The following SHISA9 variants were observed in gnomAD, a reference collection of about 807,000 sequenced individuals.
SHISA9 encodes shisa family member 9.
Under a neutral mutation model 38.0 loss-of-function variants are expected in SHISA9, and 13 were observed. The observed-to-expected ratio is 0.34, with a 90% confidence interval of 0.22 to 0.54. SHISA9 has a LOEUF of 0.54. SHISA9 is among the 20% of genes least tolerant of loss of function. The probability of loss-of-function intolerance (pLI) is 0.91; values close to 1 mark genes in which losing one functional copy is unlikely to be tolerated. For missense variants in SHISA9, 538 were observed against 575.8 expected (o/e 0.93, Z 0.67); for synonymous variants, 275 against 242.0 (o/e 1.14, Z -1.27).
the SHISA9 span, among the ~76,000 whole-genome samples, chr16:13,559,777 C>T: frequency 6.6e-6 from 1 of 152,158 alleles, no homozygotes; most frequent in African/African-American, 2.4e-5. Flanking sequence ...GAGCATCTGG[C>T]TCAGGGCTTA....
chr16:13,477,903 T>G, the SHISA9 span, among the ~76,000 whole-genome samples: 4,505 of 152,196 alleles, frequency 0.03, 99 homozygotes, highest in Middle Eastern at 0.11. Flanking sequence ...AGGTGGAGGT[T>G]GCAGTGAGCT....
chr16:13,356,852 C>G, the SHISA9 span, among the ~76,000 whole-genome samples: 1 of 152,056 alleles, frequency 6.6e-6, no homozygotes, highest in African/African-American at 2.4e-5. Context: ...TTAGATTTTG[C>G]AGGATGGAAA....
chr16:13,461,306 G>A, the SHISA9 span, among the ~76,000 whole-genome samples: 51 of 152,248 alleles, frequency 3.3e-4, no homozygotes, highest in Admixed American at 5.2e-4. Context: ...ACAGCCAAGC[G>A]CAGTGGCTAA....
At chr16:13,156,733 CA>C (rs11289895) in intron 2 of SHISA9, among the ~76,000 whole-genome samples, 39,509 of 111,414 alleles carry the variant, frequency 0.35, 6,023 homozygotes, top group African/African-American at 0.51. Context: ...GACTCCGTCT[CA>C]AAAAAAAAAA....
chr16:13,398,759 G>A, the SHISA9 span, among the ~76,000 whole-genome samples: 10 of 151,936 alleles, frequency 6.6e-5, no homozygotes, highest in Non-Finnish European at 1.2e-4. Flanking sequence ...TGATCCACAC[G>A]CCTTTGCCTC....
intron 2 of SHISA9, among the ~76,000 whole-genome samples, chr16:13,183,771 C>A (rs2050796794): frequency 1.3e-5 from 2 of 152,206 alleles, no homozygotes; most frequent in Admixed American, 6.5e-5. Context: ...AGGTCCTGAT[C>A]TAATTGCTCT....
chr16:13,218,039 G>A (rs2051187712), intron 4 of SHISA9, among the ~76,000 whole-genome samples: 2 of 141,820 alleles, frequency 1.4e-5, no homozygotes, highest in Non-Finnish European at 3.1e-5. Context: ...AGGGAGGGAG[G>A]GAGGGAAGGA....
At chr16:13,510,535 C>A in the SHISA9 span, among the ~76,000 whole-genome samples, 1 of 152,154 alleles carries the variant, frequency 6.6e-6, no homozygotes, top group Non-Finnish European at 1.5e-5. Flanking sequence ...AACTGCCAAA[C>A]ATTTTCTTAC....
At chr16:13,287,174 C>G in the SHISA9 span, among the ~76,000 whole-genome samples, 1 of 152,118 alleles carries the variant, frequency 6.6e-6, no homozygotes, top group East Asian at 1.9e-4. Flanking sequence ...TCTACGCTAT[C>G]ACATAAGAAC....
intron 2 of SHISA9, among the ~76,000 whole-genome samples, chr16:13,195,982 G>A (rs551519866): frequency 1.3e-5 from 2 of 151,296 alleles, no homozygotes; most frequent in Non-Finnish European, 2.9e-5. Flanking sequence ...CAGCTACTCG[G>A]GAGGCTGAGG....
chr16:13,533,087 T>G, the SHISA9 span, among the ~76,000 whole-genome samples: 1 of 152,186 alleles, frequency 6.6e-6, no homozygotes, highest in Non-Finnish European at 1.5e-5. Flanking sequence ...AGCTCACCCT[T>G]GTGAGGCCCC....
chr16:13,230,640 G>C (rs927108851), intron 4 of SHISA9, among the ~76,000 whole-genome samples: 5 of 152,116 alleles, frequency 3.3e-5, no homozygotes, highest in African/African-American at 9.7e-5. Flanking sequence ...CCCCAAGAGA[G>C]GTTTCTTGGA....
chr16:13,098,744 C>G (rs529449364), intron 2 of SHISA9, among the ~76,000 whole-genome samples: 5 of 152,306 alleles, frequency 3.3e-5, no homozygotes, highest in African/African-American at 1.2e-4. Context: ...CCTCCAGGAA[C>G]GGAACTCAGA....
the SHISA9 span, among the ~76,000 whole-genome samples, chr16:13,520,979 A>G: frequency 8.5e-5 from 13 of 152,278 alleles, no homozygotes; most frequent in East Asian, 2.5e-3. Flanking sequence ...TTATCATTTC[A>G]TTGTCGTGAG....
chr16:13,328,194 C>G, the SHISA9 span, among the ~76,000 whole-genome samples: 1 of 152,128 alleles, frequency 6.6e-6, no homozygotes, highest in African/African-American at 2.4e-5. Flanking sequence ...CTGTGCACTT[C>G]TACAGAATCT....
chr16:12,951,220 CCAAAAAAAAA>C lies in SHISA9; in HGVS notation c.691+34406_691+34415del, dbSNP rs1445568015. Among the ~76,000 whole-genome samples the C allele has an allele frequency of 1.0e-4, 8 of 77,686 alleles. 1 individual carries two copies. The highest frequency in any genetic ancestry group is 2.7e-4 in the African/African-American group (5 of 18,422). The allele number at this position is 77,686 out of a possible 152,430, so 51.0% of individuals were successfully genotyped here. A position where few individuals can be genotyped will look rare whatever the true frequency, so the allele number is the denominator to read the frequency against. ...TGGGTGACAGAGCAAGACTCCTTCT[CCAAAAAAAAA>C]AAAAAAAAAAAAAAAAAAAGGCAAA... On this transcript the variant is annotated intron_variant, in intron 2 of 4. Transcript: ENST00000558583.
chr16:12,903,965 A>G (rs1029245291), intron 1 of SHISA9, among the ~76,000 whole-genome samples: 7 of 151,832 alleles, frequency 4.6e-5, no homozygotes, highest in African/African-American at 1.7e-4. Flanking sequence ...CCCAGAGAGA[A>G]GAGATTTTGG....
intron 2 of SHISA9, among the ~76,000 whole-genome samples, chr16:12,976,018 T>C (rs2141817924): frequency 6.6e-6 from 1 of 152,276 alleles, no homozygotes; most frequent in East Asian, 1.9e-4. Flanking sequence ...CTTGGCAACA[T>C]GTTGGAACCA....
At chr16:13,472,820 C>A in the SHISA9 span, among the ~76,000 whole-genome samples, 1 of 152,146 alleles carries the variant, frequency 6.6e-6, no homozygotes, top group Non-Finnish European at 1.5e-5. Flanking sequence ...TTTTTAAAAT[C>A]TCTTACATTG....
Sources: allele counts gnomAD v4.1 joint callset (sites outside exome capture counted in the v4.1 genomes callset), GRCh38; gene constraint gnomAD v4.1.1; transcripts MANE v1.5; gene names NCBI Gene and HGNC (gene_info 2026-07-23, HGNC 2026-07-21).